Variants in NAALADL2 observed in about 807,000 individuals in gnomAD.
The protein encoded by NAALADL2 is N-acetylated alpha-linked acidic dipeptidase like 2.
In NAALADL2, 76 loss-of-function variants were observed where a neutral mutation model predicts 87.2. That is an observed-to-expected ratio of 0.87 (90% CI 0.72 to 1.05). NAALADL2 has a LOEUF of 1.05. NAALADL2 is among the 50% of genes least tolerant of loss of function. The pLI, the probability that NAALADL2 is intolerant of heterozygous loss-of-function variation, is 0.00. For missense variants in NAALADL2, 1,089 were observed against 945.8 expected, an observed-to-expected ratio of 1.15 and a Z score of -1.99; for synonymous variants, 354 against 331.0, an observed-to-expected ratio of 1.07 and a Z score of -0.75.
At chr3:174,882,622 T>TATATGTGCATACACAC (rs1729428299) in intron 1 of NAALADL2, among the ~76,000 whole-genome samples, 3 of 130,662 alleles carry the variant, frequency 2.3e-5, no homozygotes, top group Non-Finnish European at 1.6e-5. Context: ...TGCATATGCA[T>TATATGTGCATACACAC]ATATGTGCAT....
At chr3:175,327,300 C>A (rs1760854367) in intron 5 of NAALADL2, among the ~76,000 whole-genome samples, 1 of 151,878 alleles carries the variant, frequency 6.6e-6, no homozygotes, top group Non-Finnish European at 1.5e-5. Flanking sequence ...GGACTACAGG[C>A]GCCTGCCACC....
At chr3:174,640,906 G>A (rs1189305153) in intron 2 of NAALADL2, among the ~76,000 whole-genome samples, 1 of 152,158 alleles carries the variant, frequency 6.6e-6, no homozygotes, top group South Asian at 2.1e-4. Context: ...AAAGTCACCT[G>A]AGGAGGAATT....
chr3:174,876,453 T>G (rs768409977), intron 1 of NAALADL2, among the ~76,000 whole-genome samples: 15 of 152,172 alleles, frequency 9.9e-5, no homozygotes, highest in Admixed American at 2.6e-4. Context: ...ACCAACAAAA[T>G]TGTTCACAGT....
intron 1 of NAALADL2, among the ~76,000 whole-genome samples, chr3:174,447,006 G>T (rs931553193): frequency 6.6e-6 from 1 of 152,026 alleles, no homozygotes; most frequent in Non-Finnish European, 1.5e-5. Flanking sequence ...ATAATAACAA[G>T]GTATCTTCAA....
At chr3:175,558,560 C>G (rs898899707) in intron 9 of NAALADL2, among the ~76,000 whole-genome samples, 5 of 152,120 alleles carry the variant, frequency 3.3e-5, no homozygotes, top group African/African-American at 1.2e-4. Flanking sequence ...TTGGAAGTCT[C>G]AGATTTAAGT....
intron 3 of NAALADL2, among the ~76,000 whole-genome samples, chr3:174,749,411 T>C (rs1734599207): frequency 6.6e-6 from 1 of 152,118 alleles, no homozygotes; most frequent in South Asian, 2.1e-4. Context: ...ATGCACTTAG[T>C]TGAATACATA....
intron 1 of NAALADL2, among the ~76,000 whole-genome samples, chr3:174,996,320 A>AC (rs1373762987): frequency 6.7e-6 from 1 of 149,690 alleles, no homozygotes; most frequent in Non-Finnish European, 1.5e-5. Context: ...ACACGGTGAA[A>AC]CCCCGTCTCT....
chr3:175,119,206 A>G (rs936929792), intron 2 of NAALADL2, among the ~76,000 whole-genome samples: 1 of 151,710 alleles, frequency 6.6e-6, no homozygotes, highest in Non-Finnish European at 1.5e-5. Flanking sequence ...GAAATAATAA[A>G]TAATAATATT....
intron 5 of NAALADL2, among the ~76,000 whole-genome samples, chr3:175,420,292 G>T (rs1353354703): frequency 6.6e-6 from 1 of 151,954 alleles, no homozygotes; most frequent in African/African-American, 2.4e-5. Context: ...GTCTATCTCT[G>T]CTGAGAGAAG....
chr3:175,016,207 T>G (rs1750782498), intron 1 of NAALADL2, among the ~76,000 whole-genome samples: 1 of 149,778 alleles, frequency 6.7e-6, no homozygotes. Context: ...ACTAAATATA[T>G]AGAGTTCTTA....
At chr3:174,784,257 A>T (rs1163398231) in intron 3 of NAALADL2, among the ~76,000 whole-genome samples, 1 of 151,974 alleles carries the variant, frequency 6.6e-6, no homozygotes, top group Non-Finnish European at 1.5e-5. Context: ...GCTTTTTTGG[A>T]AGTTAGGATA....
intron 3 of NAALADL2, among the ~76,000 whole-genome samples, chr3:174,749,630 G>T (rs1424828070): frequency 6.6e-6 from 1 of 152,048 alleles, no homozygotes; most frequent in Non-Finnish European, 1.5e-5. Flanking sequence ...TTCCCTTAAG[G>T]TTCTGCATCC....
intron 9 of NAALADL2, among the ~76,000 whole-genome samples, chr3:175,529,486 A>C (rs988064494): frequency 1.3e-5 from 2 of 152,156 alleles, no homozygotes; most frequent in Admixed American, 6.5e-5. Context: ...GGACCTGTGA[A>C]TCCTGGCTGT....
chr3:174,961,917 C>A (rs1742059935), intron 1 of NAALADL2, among the ~76,000 whole-genome samples: 1 of 151,966 alleles, frequency 6.6e-6, no homozygotes, highest in Non-Finnish European at 1.5e-5. Flanking sequence ...TCCCAGTAAT[C>A]CTGGGACCTT....
At chr3:174,800,037 A>C (rs1718631632) in intron 3 of NAALADL2, among the ~76,000 whole-genome samples, 1 of 152,176 alleles carries the variant, frequency 6.6e-6, no homozygotes, top group Non-Finnish European at 1.5e-5. Context: ...AGCATTCAAG[A>C]TGTGAGTTGG....
chr3:174,799,678 A>C (rs1461097561), intron 3 of NAALADL2, among the ~76,000 whole-genome samples: 2 of 152,190 alleles, frequency 1.3e-5, no homozygotes, highest in Admixed American at 6.6e-5. Flanking sequence ...TGCCGCAGAA[A>C]AGATACCCAA....
intron 1 of NAALADL2, among the ~76,000 whole-genome samples, chr3:174,501,758 T>G (rs1718910647): frequency 6.6e-6 from 1 of 152,104 alleles, no homozygotes; most frequent in Non-Finnish European, 1.5e-5. Context: ...TTCTGATTTC[T>G]TATATTGGTA....
chr3:174,616,779 T>C (rs1720502453), intron 2 of NAALADL2, among the ~76,000 whole-genome samples: 2 of 151,872 alleles, frequency 1.3e-5, no homozygotes, highest in African/African-American at 4.8e-5. Context: ...TTCCAGATAT[T>C]TGAATGTAAT....
At chr3:174,454,788 T>C (rs375398951) in intron 1 of NAALADL2, among the ~76,000 whole-genome samples, 18 of 151,854 alleles carry the variant, frequency 1.2e-4, no homozygotes, top group African/African-American at 3.4e-4. Flanking sequence ...GTTAGAAAGA[T>C]CTCAATTTAA....
Sources: gnomAD v4.1 joint callset for allele counts (sites outside exome capture counted in the v4.1 genomes callset) on GRCh38, gnomAD v4.1.1 for gene constraint, MANE v1.5 for transcripts, NCBI Gene and HGNC (gene_info 2026-07-23, HGNC 2026-07-21) for gene names.